Variants in KCNN2 observed in about 807,000 individuals in gnomAD.
The protein encoded by KCNN2 is small conductance calcium-activated potassium channel protein 2.
In KCNN2, 24 loss-of-function variants were observed where a neutral mutation model predicts 55.5. The observed-to-expected ratio is 0.43, with a 90% confidence interval of 0.31 to 0.61. The LOEUF (loss-of-function observed/expected upper bound fraction) is 0.61. Ranked by LOEUF, KCNN2 falls within the 20% of genes least tolerant of loss-of-function variation. The pLI is 0.08. For synonymous variants in KCNN2, 431 were observed against 336.1 expected, an observed-to-expected ratio of 1.28 and a Z score of -3.09; for missense variants, 754 against 853.6, an observed-to-expected ratio of 0.88 and a Z score of 1.45.
At chr5:114,118,149 C>T (rs1751747585) in intron 1 of KCNN2, among the ~76,000 whole-genome samples, 1 of 152,158 alleles carries the variant, frequency 6.6e-6, no homozygotes, top group Non-Finnish European at 1.5e-5. Context: ...TACAGCATTT[C>T]CCTAGCTTAG....
chr5:114,118,135 C>G (rs1443265560), intron 1 of KCNN2, among the ~76,000 whole-genome samples: 2 of 152,136 alleles, frequency 1.3e-5, no homozygotes, highest in Non-Finnish European at 2.9e-5. Flanking sequence ...AGAAGGGTTA[C>G]CTTTACAGCA....
chr5:114,288,239 C>T (rs866625885), intron 2 of KCNN2, among the ~76,000 whole-genome samples: 12 of 152,144 alleles, frequency 7.9e-5, no homozygotes, highest in African/African-American at 2.9e-4. Flanking sequence ...ATTTGTTTAA[C>T]ATTTGGGTTG....
upstream of KCNN2, among the ~76,000 whole-genome samples, chr5:114,360,407 T>C (rs1248214949): frequency 1.3e-5 from 2 of 152,222 alleles, no homozygotes; most frequent in African/African-American, 4.8e-5. Flanking sequence ...CCTAATGACC[T>C]AATGAGGGTG....
At chr5:114,123,814 T>C (rs895937046) in intron 1 of KCNN2, among the ~76,000 whole-genome samples, 1 of 152,244 alleles carries the variant, frequency 6.6e-6, no homozygotes, top group Admixed American at 6.5e-5. Context: ...ACTTCCTTTT[T>C]CAAATACATG....
At chr5:114,429,041 T>C (rs1161633824) in intron 3 of KCNN2, among the ~76,000 whole-genome samples, 1 of 152,098 alleles carries the variant, frequency 6.6e-6, no homozygotes, top group East Asian at 1.9e-4. Context: ...CATGTGTAGG[T>C]TTTTGAGTGG....
At chr5:114,273,268 G>A (rs754808420) in intron 2 of KCNN2, among the ~76,000 whole-genome samples, 1 of 152,136 alleles carries the variant, frequency 6.6e-6, no homozygotes, top group African/African-American at 2.4e-5. Flanking sequence ...CCTTAATCCA[G>A]TCTATCATTG....
chr5:114,468,208 C>T (rs1310674776), intron 4 of KCNN2, among the ~76,000 whole-genome samples: 1 of 152,028 alleles, frequency 6.6e-6, no homozygotes, highest in African/African-American at 2.4e-5. Context: ...ATTTTCATGA[C>T]CTGAGGAAAC....
chr5:114,089,167 G>T (rs1463253636), intron 1 of KCNN2, among the ~76,000 whole-genome samples: 3 of 152,096 alleles, frequency 2.0e-5, no homozygotes, highest in African/African-American at 7.2e-5. Flanking sequence ...TATAAATGGT[G>T]TGCTACCAAG....
Position 114,083,841 on chromosome 5 carries a change from A to G in KCNN2, c.-271+27341A>G, listed in dbSNP as rs553115170. The stretch of plus-strand genomic sequence containing the variant: ...AAAATCCTCTGTGCTGAACCTAGTC[A>G]TCCCTCTCTTCCCACTCCAAACCTC... On this transcript the variant is annotated intron_variant, in intron 1 of 10. Transcript: ENST00000512097. Among the ~76,000 whole-genome samples, 3 of 152,220 alleles carry G rather than the reference A, an allele frequency of 2.0e-5. No homozygotes were observed. The South Asian group carries it at 6.2e-4, about 32-fold the overall frequency.
intron 2 of KCNN2, among the ~76,000 whole-genome samples, chr5:114,292,240 C>G (rs1021031140): frequency 1.1e-4 from 16 of 152,104 alleles, no homozygotes; most frequent in African/African-American, 3.6e-4. Flanking sequence ...CTTTGCTTTT[C>G]GTGTTTTAGA....
intron 1 of KCNN2, among the ~76,000 whole-genome samples, chr5:114,169,711 A>G (rs1478151137): frequency 2.0e-5 from 3 of 152,096 alleles, no homozygotes; most frequent in Admixed American, 1.3e-4. Flanking sequence ...GAAGTGAGGT[A>G]GAAAGAGATG....
chr5:114,331,800 T>A (rs1756826082), intron 2 of KCNN2, among the ~76,000 whole-genome samples: 1 of 152,236 alleles, frequency 6.6e-6, no homozygotes, highest in Non-Finnish European at 1.5e-5. Context: ...TATTCTTTTT[T>A]TTCTTCAAAT....
intron 3 of KCNN2, among the ~76,000 whole-genome samples, chr5:114,445,108 A>G (rs1379763163): frequency 6.6e-6 from 1 of 152,170 alleles, no homozygotes; most frequent in African/African-American, 2.4e-5. Context: ...TTACATGTAT[A>G]TGTATACATG....
At chr5:114,133,898 A>G (rs535959583) in intron 1 of KCNN2, among the ~76,000 whole-genome samples, 1 of 152,208 alleles carries the variant, frequency 6.6e-6, no homozygotes, top group African/African-American at 2.4e-5. Context: ...GAGATAGCCA[A>G]TATATTTCTA....
intron 1 of KCNN2, among the ~76,000 whole-genome samples, chr5:114,182,139 T>G (rs80149795): frequency 6.6e-6 from 1 of 152,224 alleles, no homozygotes; most frequent in Non-Finnish European, 1.5e-5. Context: ...TAAATTACTT[T>G]GGATTCATTG....
At chr5:114,113,099 A>T (rs1288298569) in intron 1 of KCNN2, among the ~76,000 whole-genome samples, 1 of 152,002 alleles carries the variant, frequency 6.6e-6, no homozygotes, top group Non-Finnish European at 1.5e-5. Context: ...GGGTTTTTTA[A>T]AACTTCAAAA....
chr5:114,092,768 G>A (rs1441379681), intron 1 of KCNN2, among the ~76,000 whole-genome samples: 2 of 152,228 alleles, frequency 1.3e-5, no homozygotes, highest in South Asian at 4.1e-4. Context: ...CTGCTCTGAA[G>A]CAATGGCCTG....
intron 2 of KCNN2, among the ~76,000 whole-genome samples, chr5:114,290,356 A>G (rs537088808): frequency 1.0e-3 from 156 of 152,250 alleles, no homozygotes; most frequent in Admixed American, 2.7e-3. Context: ...TTATATTCAT[A>G]TAGGTTAGTA....
chr5:114,386,643 A>G (rs1438289556), intron 2 of KCNN2, among the ~76,000 whole-genome samples: 2 of 152,136 alleles, frequency 1.3e-5, no homozygotes, highest in Non-Finnish European at 2.9e-5. Context: ...AAAAATTCCC[A>G]CCATCTGAAA....
Sources: allele counts gnomAD v4.1 joint callset (sites outside exome capture counted in the v4.1 genomes callset), GRCh38; gene constraint gnomAD v4.1.1; transcripts MANE v1.5; gene names NCBI Gene and HGNC (gene_info 2026-07-23, HGNC 2026-07-21).